Variants in CCSER1 observed in about 807,000 individuals in gnomAD.
The protein encoded by CCSER1 is serine-rich coiled-coil domain-containing protein 1.
A neutral mutation model predicts 82.0 loss-of-function variants in CCSER1; 41 were observed. That is an observed-to-expected ratio of 0.50 (90% CI 0.39 to 0.65). CCSER1 has a LOEUF of 0.65. CCSER1 is among the 30% of genes least tolerant of loss of function. The pLI is 0.00. For synonymous variants in CCSER1, 414 were observed against 383.9 expected (o/e 1.08, Z -0.92); for missense variants, 1,119 against 1,064.2 (o/e 1.05, Z -0.72).
At chr4:90,297,107 G>A (rs1421586418) in intron 1 of CCSER1, among the ~76,000 whole-genome samples, 1 of 151,962 alleles carries the variant, frequency 6.6e-6, no homozygotes, top group East Asian at 1.9e-4. Flanking sequence ...TCACAATATT[G>A]ATTCTTCCTA....
At chr4:91,367,170 C>T (rs1250570474) in intron 10 of CCSER1, among the ~76,000 whole-genome samples, 1 of 144,706 alleles carries the variant, frequency 6.9e-6, no homozygotes, top group East Asian at 2.0e-4. Flanking sequence ...ATGCAAAGTT[C>T]GCTTGTTATG....
intron 10 of CCSER1, among the ~76,000 whole-genome samples, chr4:91,462,750 C>T (rs1209369827): frequency 6.6e-6 from 1 of 152,178 alleles, no homozygotes; most frequent in Non-Finnish European, 1.5e-5. Context: ...CCCACGGAGC[C>T]TCGCTCATTG....
chr4:91,498,148 A>C (rs1029547862), intron 10 of CCSER1, among the ~76,000 whole-genome samples: 4 of 152,010 alleles, frequency 2.6e-5, no homozygotes, highest in African/African-American at 9.7e-5. Flanking sequence ...AGAAAGGCAA[A>C]ATGACAATCT....
At chr4:90,470,382 G>T (rs891318355) in intron 5 of CCSER1, among the ~76,000 whole-genome samples, 2 of 152,076 alleles carry the variant, frequency 1.3e-5, no homozygotes, top group Non-Finnish European at 2.9e-5. Flanking sequence ...TAAAAGATAG[G>T]TGTGAACATA....
chr4:90,391,483 T>TACAC (rs1253752221), intron 3 of CCSER1, among the ~76,000 whole-genome samples: 15 of 84,944 alleles, frequency 1.8e-4, no homozygotes, highest in Admixed American at 4.8e-4. Context: ...TATATATATA[T>TACAC]ATACACACAC....
intron 10 of CCSER1, among the ~76,000 whole-genome samples, chr4:91,278,520 A>G (rs1227937625): frequency 6.6e-6 from 1 of 152,042 alleles, no homozygotes; most frequent in Non-Finnish European, 1.5e-5. Context: ...TGCATGGAGT[A>G]TCTTTTTCCG....
At chr4:91,303,818 C>G (rs944469434) in intron 10 of CCSER1, among the ~76,000 whole-genome samples, 1 of 151,560 alleles carries the variant, frequency 6.6e-6, no homozygotes, top group African/African-American at 2.4e-5. Context: ...ACAACAACAA[C>G]AAAACAACAA....
chr4:90,272,702 A>G (rs995532394), intron 1 of CCSER1, among the ~76,000 whole-genome samples: 1 of 152,330 alleles, frequency 6.6e-6, no homozygotes, highest in East Asian at 1.9e-4. Context: ...TGTGGTACAT[A>G]TACAGCATGG....
chr4:91,312,169 A>G (rs1745527564), intron 10 of CCSER1, among the ~76,000 whole-genome samples: 1 of 151,846 alleles, frequency 6.6e-6, no homozygotes, highest in Non-Finnish European at 1.5e-5. Flanking sequence ...ATCTCTAAAC[A>G]TAATAATAGT....
intron 3 of CCSER1, among the ~76,000 whole-genome samples, chr4:90,397,417 G>A (rs1415571790): frequency 6.6e-6 from 1 of 152,112 alleles, no homozygotes; most frequent in African/African-American, 2.4e-5. Context: ...CAAATTGTGG[G>A]TGAATGTATT....
At chr4:91,597,693 TTC>T (rs2110359406) in intron 10 of CCSER1, among the ~76,000 whole-genome samples, 1 of 152,294 alleles carries the variant, frequency 6.6e-6, no homozygotes, top group South Asian at 2.1e-4. Context: ...TATAGTGCTC[TTC>T]TCTCTTCTCC....
rs572841201 is a variant in CCSER1, at chr4:91,268,924, G to GTA, written c.2217+182933_2217+182934dup. 4.0e-3 allele frequency among the ~76,000 whole-genome samples: 613 copies of GTA among 152,254 alleles called. 2 individuals carry two copies. The highest frequency in any genetic ancestry group is 0.014 in the African/African-American group (575 of 41,542). On this transcript the variant is annotated intron_variant, in intron 10 of 10. Coordinates refer to ENST00000509176, the MANE Select transcript of CCSER1 (RefSeq NM_001145065.2). ...TTCACTTGCTTCAGGCCATCTGGACGTATACGTGCAGGCTTGGGCTCAGAG... is the reference window on the plus strand; with the variant it reads ...TTCACTTGCTTCAGGCCATCTGGACGTATATACGTGCAGGCTTGGGCTCAGAG...
At chr4:90,392,479 A>T (rs1751352555) in intron 3 of CCSER1, among the ~76,000 whole-genome samples, 1 of 152,042 alleles carries the variant, frequency 6.6e-6, no homozygotes, top group Non-Finnish European at 1.5e-5. Flanking sequence ...TCAGCATAAG[A>T]GGAAGAATGA....
chr4:90,386,450 AGAAG>A (rs1202271764), intron 3 of CCSER1, among the ~76,000 whole-genome samples: 3 of 124,468 alleles, frequency 2.4e-5, no homozygotes, highest in African/African-American at 1.2e-4. Flanking sequence ...AGGCACATGT[AGAAG>A]AATGAAACTG....
intron 10 of CCSER1, among the ~76,000 whole-genome samples, chr4:91,132,792 A>C (rs757761638): frequency 6.6e-6 from 1 of 152,214 alleles, no homozygotes; most frequent in East Asian, 1.9e-4. Flanking sequence ...AGTTTAGAAG[A>C]AACAATTTCA....
At chr4:91,461,065 A>C (rs1756474020) in intron 10 of CCSER1, among the ~76,000 whole-genome samples, 1 of 152,154 alleles carries the variant, frequency 6.6e-6, no homozygotes, top group Non-Finnish European at 1.5e-5. Flanking sequence ...AGGTAGGTAA[A>C]TCTCTTTTGA....
chr4:90,226,244 A>G (rs937971638), intron 1 of CCSER1, among the ~76,000 whole-genome samples: 3 of 152,244 alleles, frequency 2.0e-5, no homozygotes, highest in Non-Finnish European at 4.4e-5. Flanking sequence ...CTCAGATTGT[A>G]AAATCATAAG....
intron 7 of CCSER1, among the ~76,000 whole-genome samples, chr4:90,789,799 C>G (rs1255609769): frequency 1.3e-5 from 2 of 152,096 alleles, no homozygotes; most frequent in South Asian, 4.1e-4. Context: ...GAACTGTAAG[C>G]CCATTAAACT....
intron 8 of CCSER1, among the ~76,000 whole-genome samples, chr4:90,911,674 G>T (rs546200479): frequency 1.9e-4 from 29 of 152,248 alleles, no homozygotes; most frequent in African/African-American, 6.7e-4. Context: ...GCTGAAGCAG[G>T]GCGAGGCATC....
Sources: allele counts gnomAD v4.1 joint callset (sites outside exome capture counted in the v4.1 genomes callset), GRCh38; gene constraint gnomAD v4.1.1; transcripts MANE v1.5; gene names NCBI Gene and HGNC (gene_info 2026-07-23, HGNC 2026-07-21).